Variants in RBPJ observed in about 807,000 individuals in gnomAD.
The protein encoded by RBPJ is recombining binding protein suppressor of hairless.
RBPJ carries 9 observed loss-of-function variants against 67.8 expected under a neutral mutation model. That is an observed-to-expected ratio of 0.13 (90% CI 0.08 to 0.23). RBPJ has a LOEUF of 0.23. Ranked by LOEUF, RBPJ falls within the 10% of genes least tolerant of loss-of-function variation. The probability of loss-of-function intolerance (pLI) is 1.00; values close to 1 mark genes in which losing one functional copy is unlikely to be tolerated. For synonymous variants in RBPJ, 198 were observed against 203.3 expected (o/e 0.97, Z 0.22); for missense variants, 305 against 595.6 (o/e 0.51, Z 5.08).
At chr4:26,406,726 A>C (rs1388946837) in intron 3 of RBPJ, among the ~76,000 whole-genome samples, 1 of 152,244 alleles carries the variant, frequency 6.6e-6, no homozygotes, top group African/African-American at 2.4e-5. Context: ...CGTTAAGTGC[A>C]AGGGAGAACA....
intron 1 of RBPJ, among the ~76,000 whole-genome samples, chr4:26,328,983 G>T (rs539221127): frequency 6.6e-6 from 1 of 152,070 alleles, no homozygotes; most frequent in Non-Finnish European, 1.5e-5. Context: ...CAAGGGTAAG[G>T]TATTGAGGTT....
chr4:26,400,165 T>TA (rs920119027), intron 2 of RBPJ, among the ~76,000 whole-genome samples: 282 of 151,842 alleles, frequency 1.9e-3, no homozygotes, highest in African/African-American at 4.5e-3. Flanking sequence ...ATTTTTTAAT[T>TA]AAAAAAAAAC....
At chr4:26,380,192 A>G (rs774747910) in intron 1 of RBPJ, among the ~76,000 whole-genome samples, 9 of 152,248 alleles carry the variant, frequency 5.9e-5, no homozygotes, top group Admixed American at 3.9e-4. Flanking sequence ...TGTATTTTCA[A>G]ATATTAACCT....
intron 1 of RBPJ, among the ~76,000 whole-genome samples, chr4:26,312,162 C>T (rs562640665): frequency 1.4e-4 from 21 of 151,276 alleles, no homozygotes; most frequent in African/African-American, 2.2e-4. Flanking sequence ...GACAGAGTCT[C>T]GCTCTGTCAC....
chr4:26,283,649 CTTT>C (rs371025225), intron 1 of RBPJ, among the ~76,000 whole-genome samples: 1 of 142,258 alleles, frequency 7.0e-6, no homozygotes, highest in Non-Finnish European at 1.5e-5. Flanking sequence ...TTTAACTAAA[CTTT>C]TTTTTTTTTT....
intron 1 of RBPJ, among the ~76,000 whole-genome samples, chr4:26,214,261 C>CGAAA (rs1288163100): frequency 4.3e-5 from 2 of 46,402 alleles, no homozygotes; most frequent in Admixed American, 2.8e-4. Context: ...AAAAGAGAGA[C>CGAAA]GAAAGAAAGA....
At chr4:26,107,277 C>T in the RBPJ span, among the ~76,000 whole-genome samples, 1 of 152,232 alleles carries the variant, frequency 6.6e-6, no homozygotes. Context: ...CTAACAAATT[C>T]AGGACTCCTC....
intron 2 of RBPJ, among the ~76,000 whole-genome samples, chr4:26,387,443 G>A (rs1731029668): frequency 6.6e-6 from 1 of 151,950 alleles, no homozygotes; most frequent in African/African-American, 2.4e-5. Context: ...TTAATAAATG[G>A]GGCAAAGAGG....
chr4:26,315,167 A>AAAAAAT (rs1325689348), upstream of RBPJ, among the ~76,000 whole-genome samples: 159 of 74,716 alleles, frequency 2.1e-3, no homozygotes, highest in East Asian at 3.2e-3. Flanking sequence ...AAAAAAAAAA[A>AAAAAAT]ATATATATAT....
the RBPJ span, among the ~76,000 whole-genome samples, chr4:26,134,617 C>G: frequency 6.6e-6 from 1 of 152,214 alleles, no homozygotes; most frequent in Non-Finnish European, 1.5e-5. Context: ...CTTCCCTAGC[C>G]CATTCTCATT....
chr4:26,404,075 G>C (rs1039064914), intron 2 of RBPJ, among the ~76,000 whole-genome samples: 19 of 152,126 alleles, frequency 1.2e-4, no homozygotes, highest in Non-Finnish European at 1.5e-5. Flanking sequence ...ATTCTGACTA[G>C]TGTGAGATGG....
At chr4:26,119,169 A>G in the RBPJ span, among the ~76,000 whole-genome samples, 1 of 152,238 alleles carries the variant, frequency 6.6e-6, no homozygotes, top group South Asian at 2.1e-4. Context: ...ACAAGGCTGC[A>G]TATAGTGAAA....
chr4:26,153,760 C>A, the RBPJ span, among the ~76,000 whole-genome samples: 3 of 152,174 alleles, frequency 2.0e-5, no homozygotes, highest in Non-Finnish European at 4.4e-5. Flanking sequence ...GTGTTAACAT[C>A]ATCTTCACCA....
intron 1 of RBPJ, among the ~76,000 whole-genome samples, chr4:26,341,076 A>C (rs1725472831): frequency 6.6e-6 from 1 of 152,058 alleles, no homozygotes; most frequent in Admixed American, 6.5e-5. Flanking sequence ...CAACATATTA[A>C]TAGTAGTTAA....
intron 1 of RBPJ, among the ~76,000 whole-genome samples, chr4:26,276,417 A>C (rs1721088019): frequency 6.6e-6 from 1 of 152,200 alleles, no homozygotes; most frequent in Non-Finnish European, 1.5e-5. Context: ...TGGATGTTAG[A>C]TGAGATCTGG....
At chr4:26,347,036 A>G (rs376794962) in intron 1 of RBPJ, among the ~76,000 whole-genome samples, 17 of 152,232 alleles carry the variant, frequency 1.1e-4, no homozygotes, top group East Asian at 7.7e-4. Context: ...CAAGAAGGAA[A>G]AAAATTCTGA....
chr4:26,173,725 C>G (rs2109120969), intron 1 of RBPJ, among the ~76,000 whole-genome samples: 2 of 152,306 alleles, frequency 1.3e-5, no homozygotes, highest in Middle Eastern at 3.4e-3. Context: ...GAAATGCGTG[C>G]TGAGTTCCAA....
chr4:26,147,714 G>A, the RBPJ span, among the ~76,000 whole-genome samples: 1 of 152,152 alleles, frequency 6.6e-6, no homozygotes, highest in Non-Finnish European at 1.5e-5. Context: ...CGCCTCCTGG[G>A]TTCAAGCCAT....
In RBPJ at chr4:26,286,975, C is replaced by T. The variant is rs148489625; in HGVS notation, c.-166-75471C>T. Among the ~76,000 whole-genome samples the T allele has an allele frequency of 1.6e-4, 25 of 151,986 alleles. No individual in the cohort carries two copies. The East Asian group carries it at 2.9e-3, about 18-fold the overall frequency. On this transcript the variant is annotated intron_variant, in intron 1 of 4. Coordinates refer to the RBPJ transcript ENST00000512351. ...CTAATTTTTGTATTTTTCATATAGA[C>T]GGGGTTTCTCCATGTTGTCCAGGCT... is the stretch of plus-strand genomic sequence containing the variant.
Sources: gnomAD v4.1 joint callset for allele counts (sites outside exome capture counted in the v4.1 genomes callset) on GRCh38, gnomAD v4.1.1 for gene constraint, MANE v1.5 for transcripts, NCBI Gene and HGNC (gene_info 2026-07-23, HGNC 2026-07-21) for gene names.